The following GLDC variants were observed in gnomAD, a reference collection of about 807,000 sequenced individuals.
GLDC encodes glycine dehydrogenase (decarboxylating), mitochondrial.
GLDC carries 104 observed loss-of-function variants against 121.3 expected under a neutral mutation model. That is an observed-to-expected ratio of 0.86 (90% CI 0.73 to 1.01). GLDC has a LOEUF of 1.01. Ranked by LOEUF, GLDC falls within the 50% of genes least tolerant of loss-of-function variation. The pLI is 0.00. For synonymous variants in GLDC, 546 were observed against 480.6 expected, an observed-to-expected ratio of 1.14 and a Z score of -1.78; for missense variants, 1,429 against 1,306.6, an observed-to-expected ratio of 1.09 and a Z score of -1.44.
chr9:6,622,432 C>CG (rs1819123514), intron 2 of GLDC, among the ~76,000 whole-genome samples: 1 of 149,446 alleles, frequency 6.7e-6, no homozygotes, highest in Non-Finnish European at 1.5e-5. Context: ...TTGGTGGAGA[C>CG]GGGGTTTCCC....
chr9:6,642,042 A>G (rs373932876), intron 2 of GLDC, among the ~76,000 whole-genome samples: 65 of 152,326 alleles, frequency 4.3e-4, no homozygotes, highest in Admixed American at 2.5e-3. Flanking sequence ...CCTCAGAGTC[A>G]AAATTCATCC....
rs570860948 is a variant in GLDC, at chr9:6,554,237, T to C, written c.2315+432A>G. Among the ~76,000 whole-genome samples the C allele has an allele frequency of 9.8e-5, 15 of 152,316 alleles. No individual in the cohort carries two copies. The South Asian group carries it at 2.9e-3, about 30-fold the overall frequency. ...ACCAGGTTTGTTTCTTCCTTACTTA[T>C]GTGTTACTTATCTCAACACCTTACA... On this transcript the variant is annotated intron_variant, in intron 19 of 24. Coordinates refer to ENST00000321612, the MANE Select transcript of GLDC (RefSeq NM_000170.3).
intron 18 of GLDC, 131 bp downstream of exon 18, chr9:6,556,022 A>C (rs573665621): frequency 8.7e-6 from 6 of 691,860 alleles, no homozygotes; most frequent in Non-Finnish European, 1.3e-5. Context: ...AGAGATCAAC[A>C]ACCACCAGTG....
intron 16 of GLDC, among the ~76,000 whole-genome samples, chr9:6,562,113 G>A (rs73639328): frequency 1.6e-3 from 248 of 152,270 alleles, no homozygotes; most frequent in African/African-American, 5.6e-3. Context: ...GAGGTCTGCT[G>A]AGTAAGTCAG....
chr9:6,578,979 T>C (rs1191677065), intron 15 of GLDC, among the ~76,000 whole-genome samples: 1 of 150,878 alleles, frequency 6.6e-6, no homozygotes, highest in Non-Finnish European at 1.5e-5. Flanking sequence ...TCTGTTAATC[T>C]GTTTTCAACA....
At chr9:6,580,640 T>C (rs1818155127) in intron 15 of GLDC, among the ~76,000 whole-genome samples, 2 of 152,192 alleles carry the variant, frequency 1.3e-5, no homozygotes, top group Admixed American at 1.3e-4. Context: ...CAGCTGACTC[T>C]TGTCTCCTTG....
intron 23 of GLDC, among the ~76,000 whole-genome samples, chr9:6,535,586 A>T (rs1418768024): frequency 2.0e-5 from 3 of 151,998 alleles, no homozygotes; most frequent in Non-Finnish European, 4.4e-5. Context: ...GAAACTTAGG[A>T]CTCTGACCAG....
At position 6,541,108 on chromosome 9, in the gene GLDC, A is replaced by C. The variant is rs145836553; in HGVS notation, c.2570-962T>G. Reference sequence around the variant, plus strand: ...ACCCTGTCTCAAAAAAATAAATATAAATTTTTAGAAAAAGTTTTAGATTTT... The same window carrying C: ...ACCCTGTCTCAAAAAAATAAATATACATTTTTAGAAAAAGTTTTAGATTTT... On this transcript the variant is annotated intron_variant, in intron 21 of 24. Coordinates refer to ENST00000321612, the MANE Select transcript of GLDC (RefSeq NM_000170.3). 10 of 152,238 alleles carry C rather than the reference A, an allele frequency of 6.6e-5. No individual in the cohort carries two copies. The East Asian group carries it at 1.9e-3, about 29-fold the overall frequency. The allele number at this position is 152,238 out of a possible 1,614,324, so 9.4% of individuals were successfully genotyped here.
chr9:6,548,965 T>A (rs1817452728), intron 21 of GLDC, among the ~76,000 whole-genome samples: 1 of 152,156 alleles, frequency 6.6e-6, no homozygotes, highest in South Asian at 2.1e-4. Flanking sequence ...AAACATGGAA[T>A]CCTTTTCCCC....
chr9:6,591,066 C>T (rs922847871), intron 11 of GLDC, among the ~76,000 whole-genome samples: 9 of 152,174 alleles, frequency 5.9e-5, no homozygotes, highest in Admixed American at 5.9e-4. Flanking sequence ...CACCTTGCCA[C>T]AGGTCTAGGT....
intron 7 of GLDC, among the ~76,000 whole-genome samples, chr9:6,603,555 A>AAT (rs1322784853): frequency 0.02 from 2,777 of 141,730 alleles, 78 homozygotes; most frequent in African/African-American, 0.065. Context: ...AAATAAATAA[A>AAT]TAAAATTTTA....
At chr9:6,640,265 A>G (rs966514014) in intron 2 of GLDC, among the ~76,000 whole-genome samples, 27 of 152,262 alleles carry the variant, frequency 1.8e-4, no homozygotes, top group African/African-American at 6.5e-4. Context: ...AGAAGAAATA[A>G]TAATTCCTAT....
At chr9:6,534,852 C>T in intron 23 of GLDC, 64 bp from the exon 24 acceptor site, 1 of 845,284 alleles carries the variant, frequency 1.2e-6, no homozygotes, top group Non-Finnish European at 2.0e-6. Context: ...TCCTACCCTG[C>T]ACCTCAACCG....
chr9:6,640,617 G>A (rs535606843), intron 2 of GLDC, among the ~76,000 whole-genome samples: 1 of 152,220 alleles, frequency 6.6e-6, no homozygotes, highest in East Asian at 1.9e-4. Flanking sequence ...GTTGAATAAT[G>A]TGAACATTGG....
intron 2 of GLDC, among the ~76,000 whole-genome samples, chr9:6,635,228 C>A (rs1365362919): frequency 6.6e-6 from 1 of 152,128 alleles, no homozygotes; most frequent in Non-Finnish European, 1.5e-5. Flanking sequence ...ACACCAAGTG[C>A]CTGAAGCAGT....
chr9:6,635,336 T>C (rs942396461), intron 2 of GLDC, among the ~76,000 whole-genome samples: 4 of 152,146 alleles, frequency 2.6e-5, no homozygotes, highest in Non-Finnish European at 5.9e-5. Flanking sequence ...AATAACCCAC[T>C]GATAACAAAG....
chr9:6,644,453 C>T, intron 2 of GLDC, 161 bp downstream of exon 2: 1 of 673,506 alleles, frequency 1.5e-6, no homozygotes, highest in Non-Finnish European at 2.7e-6. Context: ...ACCAAATATC[C>T]CACCTTCCCG....
chr9:6,619,005 C>A (rs1819023131), intron 3 of GLDC, among the ~76,000 whole-genome samples: 1 of 151,650 alleles, frequency 6.6e-6, no homozygotes, highest in African/African-American at 2.4e-5. Context: ...TACCCAGGCA[C>A]ACTGGCAGGC....
chr9:6,575,875 G>A (rs146034725), intron 15 of GLDC, among the ~76,000 whole-genome samples: 15 of 152,316 alleles, frequency 9.8e-5, no homozygotes, highest in Non-Finnish European at 7.3e-5. Context: ...AGAAAAAGCT[G>A]AAGCAAGCCC....
Sources: gnomAD v4.1 joint callset for allele counts (sites outside exome capture counted in the v4.1 genomes callset) on GRCh38, gnomAD v4.1.1 for gene constraint, MANE v1.5 for transcripts, NCBI Gene and HGNC (gene_info 2026-07-23, HGNC 2026-07-21) for gene names.